CDC37: variants seen among roughly 807,000 people sequenced by gnomAD.
The protein encoded by CDC37 is cell division cycle 37, HSP90 cochaperone, also known as hsp90 co-chaperone Cdc37.
CDC37 carries 9 observed loss-of-function variants against 46.9 expected under a neutral mutation model. The observed-to-expected ratio is 0.19, with a 90% CI of 0.12 to 0.33. The LOEUF (loss-of-function observed/expected upper bound fraction) is 0.33, where lower values mean the gene tolerates loss of function less well. Among genes scored for constraint, CDC37 ranks in the 10% least tolerant of loss-of-function variants. The probability of loss-of-function intolerance (pLI) is 1.00; values close to 1 mark genes in which losing one functional copy is unlikely to be tolerated. For synonymous variants in CDC37, 193 were observed against 191.0 expected, an observed-to-expected ratio of 1.01 and a Z score of -0.09; for missense variants, 388 against 514.6, an observed-to-expected ratio of 0.75 and a Z score of 2.38.
At chr19:10,402,733 C>G (rs2042526296) in intron 1 of CDC37, among the ~76,000 whole-genome samples, 1 of 152,136 alleles carries the variant, frequency 6.6e-6, no homozygotes, top group African/African-American at 2.4e-5. Context: ...TTCCAAAACC[C>G]AAGTACTCGG....
At chr19:10,399,898 C>G (rs1488493523) in intron 1 of CDC37, among the ~76,000 whole-genome samples, 1 of 142,836 alleles carries the variant, frequency 7.0e-6, no homozygotes, top group Admixed American at 7.4e-5. Flanking sequence ...CACCACTGCA[C>G]TCCTGTCTGG....
intron 1 of CDC37, among the ~76,000 whole-genome samples, chr19:10,397,805 C>T (rs1181594962): frequency 2.6e-5 from 4 of 152,242 alleles, no homozygotes; most frequent in Non-Finnish European, 4.4e-5. Context: ...TCCTGAGCCC[C>T]AGCTTGGTGT....
chr19:10,391,300 A>AC lies in CDC37; in HGVS notation c.*250dup, dbSNP rs1474161725. 5.8e-6 allele frequency: 3 copies of AC among 513,084 alleles called. No homozygotes were observed. The highest frequency in any genetic ancestry group is 1.1e-5 in the Non-Finnish European group (3 of 285,702). 31.8% of individuals were successfully genotyped at this position (513,084 alleles called of 1,614,324 possible). A position where few individuals can be genotyped will look rare whatever the true frequency, so the allele number is the denominator to read the frequency against. On this transcript the variant is annotated 3_prime_UTR_variant, in exon 8 of 8. Coordinates refer to ENST00000222005, the MANE Select transcript of CDC37 (RefSeq NM_007065.4). ...CCTGGTGACCTCTGCCCTTCCCCGG[A>AC]CCCCCGGGCCTTTGGCATAATGCTG... is the stretch of plus-strand genomic sequence containing the variant.
At position 10,393,065 on chromosome 19, in the gene CDC37, T is replaced by C. The variant is rs199999846; in HGVS notation, c.981+21A>G. On this transcript the variant is annotated intron_variant, in intron 7 of 7. Coordinates refer to ENST00000222005, the MANE Select transcript of CDC37 (RefSeq NM_007065.4). The surrounding 1 kb of genome is among the most constrained non-coding windows in gnomAD (Gnocchi z 4.9). ...AGACACACGGCCCGCCGGGAAGGCA[T>C]GGGGCGCGGGGGTTACTCACGGTGG... is the stretch of plus-strand genomic sequence containing the variant. The C allele has an allele frequency of 1.4e-4, 221 of 1,608,720 alleles. 1 individual carries two copies. In the African/African-American group the frequency reaches 2.8e-3, roughly 20 times the overall value.
At position 10,396,136 on chromosome 19, in the gene CDC37, C is replaced by A; in HGVS notation, c.170G>T (p.Cys57Phe). The change falls in exon 2 of 8, where the codon TGC (cysteine) becomes TTC (phenylalanine). Residue 57 changes from cysteine to phenylalanine, a missense_variant. Cys to Phe is a radical substitution (Grantham distance 205). This residue lies in a region of CDC37 where 374 missense variants were observed against 467.4 expected (regional missense o/e 0.80). Transcript: ENST00000222005. The surrounding 1 kb of genome is among the most constrained non-coding windows in gnomAD (Gnocchi z 5.9). The part of the protein sequence containing the change: ...KEELDRGCRE[C>F]KRKVAECQRK... ...CTGGCACTCGGCCACCTTGCGCTTG[C>A]ACTCGCGGCAGCCCCTGTCCAGTTC... 1 of 1,614,110 alleles carries A rather than the reference C, an allele frequency of 6.2e-7. No homozygotes were observed. Among genetic ancestry groups the A allele is most frequent in the Non-Finnish European group, 8.5e-7 (1 of 1,180,004 alleles).
At position 10,393,742 on chromosome 19, in the gene CDC37, G is replaced by C. The variant is rs56115734; in HGVS notation, c.727-301C>G. 5.4e-6 allele frequency: 2 copies of C among 368,806 alleles called. No homozygotes were observed. The highest frequency in any genetic ancestry group is 5.8e-5 in the South Asian group (1 of 17,272). The allele number at this position is 368,806 out of a possible 1,614,324, so 22.8% of individuals were successfully genotyped here. ...CCACCTCCCAGCCTGCCTTGTCCTT[G>C]GTCTCCCTAATCTCGGTAAGGATAG... On this transcript the variant is annotated intron_variant, in intron 5 of 7. Coordinates refer to ENST00000222005, the MANE Select transcript of CDC37 (RefSeq NM_007065.4). The surrounding 1 kb of genome is among the most constrained non-coding windows in gnomAD (Gnocchi z 4.9).
At chr19:10,399,825 G>C (rs959004391) in intron 1 of CDC37, among the ~76,000 whole-genome samples, 1 of 150,988 alleles carries the variant, frequency 6.6e-6, no homozygotes, top group South Asian at 2.1e-4. Context: ...CCAGCTACTC[G>C]GGAGGCTGAG....
chr19:10,394,937 A>G (rs1599380311), intron 5 of CDC37, 84 bp downstream of exon 5: 15 of 1,408,848 alleles, frequency 1.1e-5, no homozygotes, highest in Non-Finnish European at 1.3e-5. Context: ...GTCCCAGTGG[A>G]GAGGAGTCGG....
At chr19:10,400,720 G>A (rs781697231) in intron 1 of CDC37, 3 of 152,088 alleles carry the variant, frequency 2.0e-5, no homozygotes, top group Admixed American at 1.3e-4. Flanking sequence ...GAGAGACAAG[G>A]TCTTGCTATG....
intron 1 of CDC37, among the ~76,000 whole-genome samples, chr19:10,401,429 C>T (rs1270831408): frequency 2.0e-5 from 3 of 152,116 alleles, no homozygotes; most frequent in African/African-American, 7.2e-5. Context: ...GTGGCAGGTA[C>T]ACTACGCTGC....
rs764812396 is a variant in CDC37 at position 10,391,665 on chromosome 19, G to A, written c.1023C>T (p.Leu341=). 6.2e-7 allele frequency: 1 copy of A among 1,614,158 alleles called. No individual in the cohort carries two copies. Among genetic ancestry groups the A allele is most frequent in the Admixed American group, 1.7e-5 (1 of 60,030 alleles). Residue 341 remains leucine, a synonymous_variant, in exon 8 of 8, where the codon CTC becomes CTT. Transcript: ENST00000222005. The part of the protein sequence containing the change: ...YHMQRCIDSG[L]WVPNSKASEA... ...CGCTGGCCTTAGAGTTGGGGACCCA[G>A]AGGCCAGAGTCAATGCAGCGCTGCA...
rs764464196 is a variant in CDC37, at chr19:10,391,507, CACAT to C, written c.*40_*43del. ...CATCTATCTGTTTTCTGAAAAGGGG[CACAT>C]AGGGGCCTGGAAGCAGGTGGCGGTG... On this transcript the variant is annotated 3_prime_UTR_variant, in exon 8 of 8. Transcript: ENST00000222005. 5 of 1,609,518 alleles carry C rather than the reference CACAT, an allele frequency of 3.1e-6. No homozygotes were observed. The highest frequency in any genetic ancestry group is 4.3e-6 in the Non-Finnish European group (5 of 1,176,116).
intron 1 of CDC37, among the ~76,000 whole-genome samples, chr19:10,397,812 G>T (rs1472004064): frequency 6.6e-6 from 1 of 152,020 alleles, no homozygotes; most frequent in Non-Finnish European, 1.5e-5. Context: ...CCCCAGCTTG[G>T]TGTCTACCTG....
rs141210697 is a variant in CDC37, at chr19:10,398,820, C to T, written c.103-2617G>A. Among the ~76,000 whole-genome samples, 3 of 152,296 alleles carry T rather than the reference C, an allele frequency of 2.0e-5. No individual in the cohort carries two copies. In the East Asian group the frequency reaches 5.8e-4, roughly 29 times the overall value. Reference sequence around the variant, plus strand: ...AGTGGTTGTTACTACATGGTCACAGCACCCGGCTGTGCCACTGACGGGAGA... The same window carrying T: ...AGTGGTTGTTACTACATGGTCACAGTACCCGGCTGTGCCACTGACGGGAGA... On this transcript the variant is annotated intron_variant, in intron 1 of 7. Transcript: ENST00000222005. The surrounding 1 kb of genome is among the most constrained non-coding windows in gnomAD (Gnocchi z 4.2).
Position 10,391,284 on chromosome 19 carries a change from C to A in CDC37, c.*267G>T. 1 of 490,018 alleles carries A rather than the reference C, an allele frequency of 2.0e-6. No homozygotes were observed. The highest frequency in any genetic ancestry group is 3.7e-6 in the Non-Finnish European group (1 of 270,902). The allele number at this position is 490,018 out of a possible 1,614,324, so 30.4% of individuals were successfully genotyped here. A position where few individuals can be genotyped will look rare whatever the true frequency, so the allele number is the denominator to read the frequency against. Reference sequence around the variant, plus strand: ...CTACCTGGTAGACCAGCCTGGTGACCTCTGCCCTTCCCCGGACCCCCGGGC... The same window carrying A: ...CTACCTGGTAGACCAGCCTGGTGACATCTGCCCTTCCCCGGACCCCCGGGC... On this transcript the variant is annotated 3_prime_UTR_variant, in exon 8 of 8. Coordinates refer to ENST00000222005, the MANE Select transcript of CDC37 (RefSeq NM_007065.4).
Position 10,393,622 on chromosome 19 carries a change from G to C in CDC37, c.727-181C>G, listed in dbSNP as rs899275409. On this transcript the variant is annotated intron_variant, in intron 5 of 7. Transcript: ENST00000222005. The surrounding 1 kb of genome is among the most constrained non-coding windows in gnomAD (Gnocchi z 4.9). Reference sequence around the variant, plus strand: ...CCGCCGGGGACCTCATCTGGCATTTGCCAAAGACCACCTGCTTGGGAGCCC... The same window carrying C: ...CCGCCGGGGACCTCATCTGGCATTTCCCAAAGACCACCTGCTTGGGAGCCC... 9 of 606,698 alleles carry C rather than the reference G, an allele frequency of 1.5e-5. No homozygotes were observed. The Admixed American group carries it at 2.7e-4, about 18-fold the overall frequency. 37.6% of individuals were successfully genotyped at this position (606,698 alleles called of 1,614,324 possible).
chr19:10,391,335 TGCAG>T lies in CDC37; in HGVS notation c.*212_*215del. The T allele has an allele frequency of 1.7e-6, 1 of 588,080 alleles. No individual in the cohort carries two copies. The highest frequency in any genetic ancestry group is 3.0e-6 in the Non-Finnish European group (1 of 330,238). 36.4% of individuals were successfully genotyped at this position (588,080 alleles called of 1,614,324 possible). On this transcript the variant is annotated 3_prime_UTR_variant, in exon 8 of 8. Coordinates refer to ENST00000222005, the MANE Select transcript of CDC37 (RefSeq NM_007065.4). ...CTTTGGCATAATGCTGATGGGGGGCTGCAGGCAGTGAAGCCCCTTGACTCAAAGC... is the reference window on the plus strand; with the variant it reads ...CTTTGGCATAATGCTGATGGGGGGCTGCAGTGAAGCCCCTTGACTCAAAGC...
chr19:10,394,954 CTA>C, intron 5 of CDC37, 65 bp downstream of exon 5: 1 of 1,495,662 alleles, frequency 6.7e-7, no homozygotes, highest in South Asian at 1.4e-5. Flanking sequence ...TCGGCCTTAC[CTA>C]GAGCATTGTG....
chr19:10,402,811 A>G (rs1172370893), intron 1 of CDC37, among the ~76,000 whole-genome samples: 1 of 152,110 alleles, frequency 6.6e-6, no homozygotes, highest in East Asian at 1.9e-4. Flanking sequence ...GTGGGCAGGG[A>G]CAGGAATATC....
Sources: allele counts gnomAD v4.1 joint callset (sites outside exome capture counted in the v4.1 genomes callset), GRCh38; gene constraint gnomAD v4.1.1; regional missense constraint gnomAD v4.1.1; non-coding constraint Gnocchi (gnomAD v3.1); transcripts MANE v1.5; gene names NCBI Gene and HGNC (gene_info 2026-07-23, HGNC 2026-07-21).